Variants in SPOCK3 observed in about 807,000 individuals in gnomAD.
SPOCK3 encodes the protein SPARC (osteonectin), cwcv and kazal like domains proteoglycan 3, also known as testican-3.
SPOCK3 carries 30 observed loss-of-function variants against 56.6 expected under a neutral mutation model. The ratio of observed to expected loss-of-function variants is 0.53; its 90% CI spans 0.40 to 0.72. The LOEUF is 0.72. Among genes scored for constraint, SPOCK3 ranks in the 30% least tolerant of loss-of-function variants. The pLI is 0.00. For missense variants in SPOCK3, 527 were observed against 530.0 expected (o/e 0.99, Z 0.06); for synonymous variants, 196 against 183.3 (o/e 1.07, Z -0.56).
chr4:166,992,628 T>C (rs1747920715), intron 4 of SPOCK3, among the ~76,000 whole-genome samples: 1 of 152,194 alleles, frequency 6.6e-6, no homozygotes, highest in South Asian at 2.1e-4. Context: ...AACTTTACTT[T>C]GAACCTGAGC....
At chr4:167,022,052 C>T (rs1751237367) in intron 3 of SPOCK3, among the ~76,000 whole-genome samples, 1 of 151,912 alleles carries the variant, frequency 6.6e-6, no homozygotes, top group Non-Finnish European at 1.5e-5. Context: ...GGTAAAGTTT[C>T]TAGGAACTCT....
At chr4:167,183,875 A>C (rs1223447489) in intron 2 of SPOCK3, among the ~76,000 whole-genome samples, 1 of 152,200 alleles carries the variant, frequency 6.6e-6, no homozygotes, top group African/African-American at 2.4e-5. Context: ...TTAAAGGAAG[A>C]TGTAGAAGAA....
intron 6 of SPOCK3, among the ~76,000 whole-genome samples, chr4:166,814,283 C>T (rs886952883): frequency 6.6e-6 from 1 of 151,984 alleles, no homozygotes; most frequent in Non-Finnish European, 1.5e-5. Context: ...TAAAAGACAC[C>T]TGTGATGATT....
chr4:167,091,565 AT>A (rs1758703938), intron 2 of SPOCK3, among the ~76,000 whole-genome samples: 1 of 152,186 alleles, frequency 6.6e-6, no homozygotes, highest in South Asian at 2.1e-4. Context: ...AAATATGAAA[AT>A]TGCTGCTCCC....
intron 3 of SPOCK3, among the ~76,000 whole-genome samples, chr4:167,050,931 A>G (rs1203452799): frequency 6.6e-6 from 1 of 152,148 alleles, no homozygotes; most frequent in Non-Finnish European, 1.5e-5. Context: ...ATGCATGTAT[A>G]GCTTCAGTTC....
chr4:166,931,615 G>A (rs192803862), intron 4 of SPOCK3, among the ~76,000 whole-genome samples: 70 of 152,156 alleles, frequency 4.6e-4, no homozygotes, highest in Non-Finnish European at 7.5e-4. Flanking sequence ...TTTAAAAACC[G>A]TGAATAATAG....
chr4:166,840,966 G>A (rs1747217976), intron 6 of SPOCK3, among the ~76,000 whole-genome samples: 1 of 151,326 alleles, frequency 6.6e-6, no homozygotes, highest in South Asian at 2.1e-4. Flanking sequence ...TTTTCGTAGC[G>A]ACGGGGTTTC....
chr4:166,734,710 CTTTT>C lies in SPOCK3; in HGVS notation c.*207_*210del, dbSNP rs373500139. The C allele has an allele frequency of 6.9e-4, 314 of 456,274 alleles. 2 individuals carry two copies. The highest frequency in any genetic ancestry group is 5.9e-3 in the African/African-American group (291 of 48,936). 28.3% of individuals were successfully genotyped at this position (456,274 alleles called of 1,614,324 possible). ...TCTGACTAGACTGCATATGTATTTTCTTTTTGTGTAAGGAATATAAAAACTCAAA... is the reference window on the plus strand; with the variant it reads ...TCTGACTAGACTGCATATGTATTTTCTGTGTAAGGAATATAAAAACTCAAA... On this transcript the variant is annotated 3_prime_UTR_variant, in exon 11 of 11. Transcript: ENST00000357545.
At chr4:166,944,424 G>A (rs1003896441) in intron 4 of SPOCK3, among the ~76,000 whole-genome samples, 9 of 151,974 alleles carry the variant, frequency 5.9e-5, no homozygotes, top group African/African-American at 1.9e-4. Context: ...TCATTGTCCC[G>A]ATAATGTCCT....
intron 2 of SPOCK3, among the ~76,000 whole-genome samples, chr4:167,166,542 G>C (rs1353966396): frequency 2.0e-5 from 3 of 152,026 alleles, no homozygotes; most frequent in Non-Finnish European, 4.4e-5. Context: ...TTGCTGTTAA[G>C]AGTTTTCTGT....
chr4:166,909,633 A>G (rs1407868127), intron 5 of SPOCK3, among the ~76,000 whole-genome samples: 1 of 152,114 alleles, frequency 6.6e-6, no homozygotes, highest in Non-Finnish European at 1.5e-5. Flanking sequence ...CCCACATCCA[A>G]GACTCATCAT....
chr4:166,991,083 CTTT>C (rs895054524), intron 4 of SPOCK3, among the ~76,000 whole-genome samples: 1 of 151,912 alleles, frequency 6.6e-6, no homozygotes, highest in African/African-American at 2.4e-5. Context: ...TGTGGAGCCT[CTTT>C]TTTTAAGTCT....
chr4:166,879,382 A>G (rs964494827), intron 6 of SPOCK3, among the ~76,000 whole-genome samples: 2 of 152,020 alleles, frequency 1.3e-5, no homozygotes, highest in African/African-American at 4.8e-5. Flanking sequence ...AAAAATAAAA[A>G]TAAATTAGCC....
At chr4:166,774,581 T>TA (rs1166156718) in intron 7 of SPOCK3, among the ~76,000 whole-genome samples, 1 of 152,198 alleles carries the variant, frequency 6.6e-6, no homozygotes, top group Non-Finnish European at 1.5e-5. Flanking sequence ...CCACAGTAAA[T>TA]ATTCTTGTAT....
At chr4:166,929,086 G>A (rs1739441508) in intron 4 of SPOCK3, among the ~76,000 whole-genome samples, 1 of 152,128 alleles carries the variant, frequency 6.6e-6, no homozygotes, top group Non-Finnish European at 1.5e-5. Flanking sequence ...ATAATGGGGA[G>A]GGTTCTGCAA....
intron 4 of SPOCK3, among the ~76,000 whole-genome samples, chr4:166,921,260 A>C (rs1738451291): frequency 6.6e-6 from 1 of 151,564 alleles, no homozygotes; most frequent in Non-Finnish European, 1.5e-5. Flanking sequence ...ATCCTATAGC[A>C]TTTTTCTATC....
At chr4:167,055,875 G>T (rs1754769637) in intron 3 of SPOCK3, among the ~76,000 whole-genome samples, 1 of 152,188 alleles carries the variant, frequency 6.6e-6, no homozygotes, top group Non-Finnish European at 1.5e-5. Context: ...TGGGGGCAGG[G>T]CACAGACAAA....
chr4:166,860,802 C>CATATATATATAT, intron 6 of SPOCK3, among the ~76,000 whole-genome samples: 1,284 of 101,922 alleles, frequency 0.013, 71 homozygotes, highest in South Asian at 0.023. Context: ...CACACAAATT[C>CATATATATATAT]ATATATATAT....
At chr4:166,738,458 GTTTT>G (rs1349281735) in intron 9 of SPOCK3, among the ~76,000 whole-genome samples, 1 of 149,204 alleles carries the variant, frequency 6.7e-6, no homozygotes, top group South Asian at 2.1e-4. Flanking sequence ...TTACTCTATG[GTTTT>G]TTTTTCTTTT....
Sources: allele counts gnomAD v4.1 joint callset (sites outside exome capture counted in the v4.1 genomes callset), GRCh38; gene constraint gnomAD v4.1.1; transcripts MANE v1.5; gene names NCBI Gene and HGNC (gene_info 2026-07-23, HGNC 2026-07-21).